Variants in DNAJC7 observed in about 807,000 individuals in gnomAD.
DNAJC7 encodes the protein DnaJ heat shock protein family (Hsp40) member C7.
In DNAJC7, 18 loss-of-function variants were observed where a neutral mutation model predicts 67.4. The observed-to-expected ratio is 0.27, with a 90% CI of 0.18 to 0.40. The LOEUF is 0.40. DNAJC7 is among the 10% of genes least tolerant of loss of function. The pLI, the probability that DNAJC7 is intolerant of heterozygous loss-of-function variation, is 1.00. For missense variants in DNAJC7, 419 were observed against 613.8 expected, an observed-to-expected ratio of 0.68 and a Z score of 3.35; for synonymous variants, 220 against 207.8, an observed-to-expected ratio of 1.06 and a Z score of -0.50.
chr17:41,984,143 TCCCTC>T (rs2051316533), intron 9 of DNAJC7, among the ~76,000 whole-genome samples: 1 of 151,944 alleles, frequency 6.6e-6, no homozygotes, highest in African/African-American at 2.4e-5. Context: ...TGCTGGCAAA[TCCCTC>T]CACTAAGACC....
At chr17:42,002,226 G>A (rs775069828) in intron 1 of DNAJC7, among the ~76,000 whole-genome samples, 8 of 152,222 alleles carry the variant, frequency 5.3e-5, no homozygotes, top group Non-Finnish European at 8.8e-5. Flanking sequence ...AAGAAATGGA[G>A]TAGCAAATTC....
chr17:41,999,139 G>T (rs1055420820), intron 2 of DNAJC7, among the ~76,000 whole-genome samples: 5 of 151,210 alleles, frequency 3.3e-5, no homozygotes, highest in Admixed American at 2.0e-4. Flanking sequence ...CTGGAGTGCA[G>T]CGACGTGATC....
intron 1 of DNAJC7, among the ~76,000 whole-genome samples, chr17:42,007,589 T>G (rs1486013308): frequency 6.6e-6 from 1 of 151,472 alleles, no homozygotes; most frequent in Non-Finnish European, 1.5e-5. Context: ...AGTGGTGAGA[T>G]CTCGGCTCAC....
chr17:42,005,889 C>A (rs151088251), intron 1 of DNAJC7, among the ~76,000 whole-genome samples: 2 of 151,334 alleles, frequency 1.3e-5, no homozygotes, highest in Non-Finnish European at 2.9e-5. Flanking sequence ...TACAGGCACA[C>A]GCCACCATGC....
intron 1 of DNAJC7, among the ~76,000 whole-genome samples, chr17:42,009,555 A>C (rs2052063472): frequency 6.6e-6 from 1 of 152,204 alleles, no homozygotes; most frequent in South Asian, 2.1e-4. Context: ...GTGAGTTGGA[A>C]ATTTATTTTA....
At chr17:41,999,234 C>G (rs1190249552) in intron 2 of DNAJC7, among the ~76,000 whole-genome samples, 7 of 151,944 alleles carry the variant, frequency 4.6e-5, no homozygotes, top group South Asian at 2.1e-4. Flanking sequence ...AAGCGCCCAC[C>G]ACACCTGGCT....
Position 42,017,399 on chromosome 17 carries a change from C to G in DNAJC7, c.18G>C (p.Glu6Asp), listed in dbSNP as rs886321284. The G allele has an allele frequency of 1.2e-6, 2 of 1,609,060 alleles. No individual in the cohort carries two copies. The highest frequency in any genetic ancestry group is 1.7e-6 in the Non-Finnish European group (2 of 1,179,862). Residue 6 changes from glutamate (E) to aspartate (D), a missense_variant, in exon 1 of 14, where the codon GAG becomes GAC. Glu to Asp is a conservative substitution (Grantham distance 45, BLOSUM62 2). Transcript: ENST00000457167. ...CGGTCGCCGCCATTACCACATCGCA[C>G]TCCGCGGCAGCCGCCATCTTACCGC... MAAAA[E>D]CDVVMAATEP...
chr17:41,979,362 TTAAA>T (rs569732296), intron 12 of DNAJC7, among the ~76,000 whole-genome samples: 132 of 149,166 alleles, frequency 8.8e-4, no homozygotes, highest in Middle Eastern at 7.1e-3. Context: ...CAAAAAAAAA[TTAAA>T]TAAATAAATA....
chr17:41,987,985 C>T lies in DNAJC7; in HGVS notation c.919-75G>A. Reference sequence around the variant, plus strand: ...AGCCCAGAAGCTGTGAGCATGGCTTCAAAACTCTAAGAGGATCAGTCATGC... The same window carrying T: ...AGCCCAGAAGCTGTGAGCATGGCTTTAAAACTCTAAGAGGATCAGTCATGC... On this transcript the variant is annotated intron_variant, in intron 8 of 13. Transcript: ENST00000457167. The T allele has an allele frequency of 2.4e-6, 3 of 1,247,554 alleles. No individual in the cohort carries two copies. The East Asian group carries it at 7.3e-5, about 31-fold the overall frequency. The allele number at this position is 1,247,554 out of a possible 1,614,324, so 77.3% of individuals were successfully genotyped here.
intron 2 of DNAJC7, among the ~76,000 whole-genome samples, chr17:41,998,011 C>T (rs539909115): frequency 4.6e-5 from 7 of 152,284 alleles, no homozygotes; most frequent in South Asian, 2.1e-4. Context: ...CACAGGCACA[C>T]GCCACCACAT....
chr17:41,994,497 G>A (rs555179129), intron 5 of DNAJC7, among the ~76,000 whole-genome samples: 4 of 145,472 alleles, frequency 2.7e-5, no homozygotes, highest in Non-Finnish European at 4.5e-5. Flanking sequence ...TCCAGCCTGG[G>A]TGACAGAGTG....
intron 12 of DNAJC7, among the ~76,000 whole-genome samples, chr17:41,979,657 TAAAAAAA>T (rs71155200): frequency 6.3e-5 from 3 of 47,836 alleles, no homozygotes; most frequent in African/African-American, 1.8e-4. Flanking sequence ...GGCTCAGTCT[TAAAAAAA>T]AAAAAAAAAA....
At chr17:41,986,090 G>A (rs543391960) in intron 9 of DNAJC7, 7 of 102,728 alleles carry the variant, frequency 6.8e-5, no homozygotes, top group Middle Eastern at 5.1e-3. Flanking sequence ...GGCCGGGCGC[G>A]GTGGCTCACA....
At chr17:41,999,912 G>A (rs1244052372) in intron 2 of DNAJC7, among the ~76,000 whole-genome samples, 3 of 150,316 alleles carry the variant, frequency 2.0e-5, no homozygotes, top group Non-Finnish European at 4.4e-5. Flanking sequence ...TCTACCTCCC[G>A]AGTTCAGGCA....
At chr17:41,997,316 C>T in intron 2 of DNAJC7, 77 bp from the exon 3 acceptor site, 1 of 1,530,590 alleles carries the variant, frequency 6.5e-7, no homozygotes, top group Non-Finnish European at 8.8e-7. Flanking sequence ...GGGCTGGGCG[C>T]AGTGGCTCAT....
Position 41,983,573 on chromosome 17 carries a change from CTCTG to C in DNAJC7, c.1070_1073del (p.Thr357ArgfsTer10). On this transcript the variant is annotated frameshift_variant, in exon 10 of 14. Coordinates refer to ENST00000457167, the MANE Select transcript of DNAJC7 (RefSeq NM_003315.4). LOFTEE classifies it high-confidence loss of function. ...TGCTTTTAAACTTACCTTTTGTTTTCTCTGTCTGGTATACTTTTTCATAGTCTCG... is the reference window on the plus strand; with the variant it reads ...TGCTTTTAAACTTACCTTTTGTTTTCTCTGGTATACTTTTTCATAGTCTCG... The C allele has an allele frequency of 6.3e-7, 1 of 1,591,278 alleles. No homozygotes were observed. The highest frequency in any genetic ancestry group is 8.6e-7 in the Non-Finnish European group (1 of 1,167,440).
Position 42,006,344 on chromosome 17 carries a change from C to CTTTA in DNAJC7, c.78-5778_78-5775dup, listed in dbSNP as rs530459131. Among the ~76,000 whole-genome samples, 327 of 151,254 alleles carry CTTTA rather than the reference C, an allele frequency of 2.2e-3. 2 individuals are homozygous for CTTTA. Among genetic ancestry groups the CTTTA allele is most frequent in the African/African-American group, 5.8e-3 (241 of 41,240 alleles). On this transcript the variant is annotated intron_variant, in intron 1 of 13. Transcript: ENST00000457167. ...AATTTTTTTTTTTTTGAGAAAAGAGCTTTATTTATTTATTTATTTATTTAA... is the reference window on the plus strand; with the variant it reads ...AATTTTTTTTTTTTTGAGAAAAGAGCTTTATTTATTTATTTATTTATTTATTTAA...
At chr17:41,978,067 A>G (rs1484513401) in intron 12 of DNAJC7, among the ~76,000 whole-genome samples, 1 of 152,196 alleles carries the variant, frequency 6.6e-6, no homozygotes, top group Non-Finnish European at 1.5e-5. Flanking sequence ...ATCATTCCCA[A>G]TTAATACTCA....
intron 5 of DNAJC7, among the ~76,000 whole-genome samples, chr17:41,990,701 CTG>C (rs1567959853): frequency 2.0e-5 from 3 of 149,772 alleles, no homozygotes; most frequent in Non-Finnish European, 4.4e-5. Flanking sequence ...GAGTCTCACT[CTG>C]TCACCCAGGC....
Sources: allele counts gnomAD v4.1 joint callset (sites outside exome capture counted in the v4.1 genomes callset), GRCh38; gene constraint gnomAD v4.1.1; transcripts MANE v1.5; gene names NCBI Gene and HGNC (gene_info 2026-07-23, HGNC 2026-07-21).